Variants in PPTC7 observed in about 807,000 individuals in gnomAD.
PPTC7 encodes protein phosphatase targeting COQ7.
PPTC7 carries 6 observed loss-of-function variants against 30.8 expected under a neutral mutation model. The observed-to-expected ratio is 0.19, with a 90% CI of 0.11 to 0.38. The LOEUF (loss-of-function observed/expected upper bound fraction) is 0.38, where lower values mean the gene tolerates loss of function less well. Among genes scored for constraint, PPTC7 ranks in the 10% least tolerant of loss-of-function variants. The pLI is 1.00. For synonymous variants in PPTC7, 163 were observed against 168.1 expected (o/e 0.97, Z 0.23); for missense variants, 218 against 404.8 (o/e 0.54, Z 3.96).
At chr12:110,564,787 C>T (rs539243097) in intron 1 of PPTC7, among the ~76,000 whole-genome samples, 2 of 140,138 alleles carry the variant, frequency 1.4e-5, no homozygotes, top group African/African-American at 5.7e-5. Context: ...TATACATACA[C>T]GTTATATATA....
intron 3 of PPTC7, among the ~76,000 whole-genome samples, chr12:110,542,673 C>CA (rs765332697): frequency 0.079 from 2,095 of 26,498 alleles, 175 homozygotes; most frequent in African/African-American, 0.092. Flanking sequence ...GACTCTGTCT[C>CA]AAAAAAAAAA....
At chr12:110,553,412 G>A (rs936654669) in intron 1 of PPTC7, among the ~76,000 whole-genome samples, 1 of 151,808 alleles carries the variant, frequency 6.6e-6, no homozygotes, top group Non-Finnish European at 1.5e-5. Flanking sequence ...CCAAAGTTCT[G>A]GGATTACAGG....
At chr12:110,553,752 G>A (rs1410412544) in intron 1 of PPTC7, among the ~76,000 whole-genome samples, 9 of 152,148 alleles carry the variant, frequency 5.9e-5, no homozygotes, top group South Asian at 2.1e-4. Context: ...GCACTCCAGC[G>A]TGGGTGGATC....
chr12:110,571,081 A>G (rs1469594585), intron 1 of PPTC7, among the ~76,000 whole-genome samples: 2 of 152,222 alleles, frequency 1.3e-5, no homozygotes, highest in East Asian at 3.8e-4. Context: ...AGTCGACGAG[A>G]GATCCCGAGG....
chr12:110,574,880 G>A (rs1287523472), intron 1 of PPTC7, among the ~76,000 whole-genome samples: 1 of 151,514 alleles, frequency 6.6e-6, no homozygotes, highest in Non-Finnish European at 1.5e-5. Flanking sequence ...CCAGGTTCAA[G>A]CGATTCTCAT....
chr12:110,567,104 G>T (rs990448044), intron 1 of PPTC7, among the ~76,000 whole-genome samples: 1 of 152,098 alleles, frequency 6.6e-6, no homozygotes, highest in Non-Finnish European at 1.5e-5. Context: ...CCTTTATAGC[G>T]ATCTTCCCTT....
At chr12:110,541,700 CAAAAA>C (rs748911395) in intron 3 of PPTC7, among the ~76,000 whole-genome samples, 1 of 66,478 alleles carries the variant, frequency 1.5e-5, no homozygotes, top group African/African-American at 4.9e-5. Context: ...AACTCCGTCT[CAAAAA>C]AAAAAAAAAA....
chr12:110,559,593 G>A (rs1300804982), intron 1 of PPTC7, among the ~76,000 whole-genome samples: 1 of 151,834 alleles, frequency 6.6e-6, no homozygotes, highest in Admixed American at 6.6e-5. Flanking sequence ...GGGTGTGGTG[G>A]TGCGTGCCTG....
At chr12:110,538,355 G>T in intron 4 of PPTC7, 82 bp from the exon 5 acceptor site, 1 of 1,358,374 alleles carries the variant, frequency 7.4e-7, no homozygotes, top group Non-Finnish European at 1.0e-6. Context: ...CATCATGTAA[G>T]TTTTATTCTA....
intron 5 of PPTC7, 87 bp downstream of exon 5, chr12:110,538,057 C>T (rs2064232068): frequency 1.4e-6 from 2 of 1,442,246 alleles, no homozygotes; most frequent in African/African-American, 1.4e-5. Context: ...AGGACACCTC[C>T]ACAGTCTCAC....
chr12:110,541,048 A>G (rs1377205867), intron 3 of PPTC7, among the ~76,000 whole-genome samples: 1 of 150,040 alleles, frequency 6.7e-6, no homozygotes, highest in African/African-American at 2.4e-5. Flanking sequence ...GTGCTGGGAT[A>G]ACAGGCGTGA....
In PPTC7 at chr12:110,579,568, G is replaced by A. The variant is rs117068403; in HGVS notation, c.223+3241C>T. Among the ~76,000 whole-genome samples, 20 of 152,248 alleles carry A rather than the reference G, an allele frequency of 1.3e-4. 1 individual carries two copies. The highest frequency in any genetic ancestry group is 2.8e-4 in the Non-Finnish European group (19 of 68,026). On this transcript the variant is annotated intron_variant, in intron 1 of 5. Transcript: ENST00000354300. ...AGAGCCCATGCAAAATTTTATCTCT[G>A]TGCACAGGGTCCTGATCCTCAGGGG... is the stretch of plus-strand genomic sequence containing the variant.
At chr12:110,545,372 C>T (rs4766499) in intron 3 of PPTC7, among the ~76,000 whole-genome samples, 10 of 152,174 alleles carry the variant, frequency 6.6e-5, no homozygotes, top group African/African-American at 2.4e-4. Context: ...GGATTACAGG[C>T]GTGAGTCACC....
chr12:110,583,097 C>T lies in PPTC7; in HGVS notation c.-66G>A, dbSNP rs2064654535. On this transcript the variant is annotated 5_prime_UTR_variant, in exon 1 of 6. Transcript: ENST00000354300. ...GCAGGAGGACGCGGAGGCCCGGAGC[C>T]GGCTCTCTCCTCAGCCGCAGTCGCG... 7.9e-7 allele frequency: 1 copy of T among 1,268,580 alleles called. No homozygotes were observed. Among genetic ancestry groups the T allele is most frequent in the Non-Finnish European group, 1.0e-6 (1 of 994,148 alleles). 78.6% of individuals were successfully genotyped at this position (1,268,580 alleles called of 1,614,324 possible). A position where few individuals can be genotyped will look rare whatever the true frequency, so the allele number is the denominator to read the frequency against.
At chr12:110,565,652 C>T (rs58535454) in intron 1 of PPTC7, among the ~76,000 whole-genome samples, 21,657 of 152,200 alleles carry the variant, frequency 0.14, 2,106 homozygotes, top group African/African-American at 0.28. Flanking sequence ...ATTCTATACT[C>T]ACATTTAATA....
intron 2 of PPTC7, among the ~76,000 whole-genome samples, chr12:110,548,448 A>C (rs2064326708): frequency 6.6e-6 from 1 of 152,236 alleles, no homozygotes; most frequent in South Asian, 2.1e-4. Context: ...AGTGTCAACG[A>C]AAAGCAAAGC....
In PPTC7 at chr12:110,559,554, C is replaced by T. The variant is rs576183845; in HGVS notation, c.224-7586G>A. 2.5e-3 allele frequency among the ~76,000 whole-genome samples: 380 copies of T among 151,378 alleles called. 1 individual carries two copies. The highest frequency in any genetic ancestry group is 8.8e-3 in the African/African-American group (362 of 41,288). On this transcript the variant is annotated intron_variant, in intron 1 of 5. Transcript: ENST00000354300. The stretch of plus-strand genomic sequence containing the variant: ...CAGCCTGTCCAACATGGTGAAACCC[C>T]GTCTCTACTAAAAATACAAAAATTA...
At position 110,557,641 on chromosome 12, in the gene PPTC7, T is replaced by C. The variant is rs141699014; in HGVS notation, c.224-5673A>G. Among the ~76,000 whole-genome samples the C allele has an allele frequency of 3.5e-3, 532 of 152,344 alleles. 2 individuals are homozygous for C. The highest frequency in any genetic ancestry group is 0.012 in the African/African-American group (499 of 41,572). On this transcript the variant is annotated intron_variant, in intron 1 of 5. Coordinates refer to ENST00000354300, the MANE Select transcript of PPTC7 (RefSeq NM_139283.2). Reference sequence around the variant, plus strand: ...CAACGATAATAAAACAGAATAATTATAACAATATACTATAATAAATGTTGT... The same window carrying C: ...CAACGATAATAAAACAGAATAATTACAACAATATACTATAATAAATGTTGT...
At chr12:110,582,565 T>A (rs1414551715) in intron 1 of PPTC7, among the ~76,000 whole-genome samples, 2 of 152,188 alleles carry the variant, frequency 1.3e-5, no homozygotes, top group Non-Finnish European at 2.9e-5. Context: ...ACTCTCGGGT[T>A]GTGACCTTGA....
Sources: gnomAD v4.1 joint callset for allele counts (sites outside exome capture counted in the v4.1 genomes callset) on GRCh38, gnomAD v4.1.1 for gene constraint, MANE v1.5 for transcripts, NCBI Gene and HGNC (gene_info 2026-07-23, HGNC 2026-07-21) for gene names.